Variants in FN3KRP observed in about 807,000 individuals in gnomAD.
FN3KRP encodes the protein ketosamine-3-kinase.
In FN3KRP, 33 loss-of-function variants were observed where a neutral mutation model predicts 29.8. That is an observed-to-expected ratio of 1.11 (90% confidence interval 0.84 to 1.48). The LOEUF (loss-of-function observed/expected upper bound fraction) is 1.48, where lower values mean the gene tolerates loss of function less well. Among genes scored for constraint, FN3KRP ranks in the 40% most tolerant of loss-of-function variants. FN3KRP has a pLI of 0.00. For missense variants in FN3KRP, 430 were observed against 402.6 expected, an observed-to-expected ratio of 1.07 and a Z score of -0.58; for synonymous variants, 157 against 155.2, an observed-to-expected ratio of 1.01 and a Z score of -0.09.
At chr17:82,718,629 G>A (rs1011364058) in intron 1 of FN3KRP, 6 of 1,189,910 alleles carry the variant, frequency 5.0e-6, no homozygotes, top group Non-Finnish European at 6.3e-6. Context: ...TAGTGCCTTC[G>A]ATTTTCCTCT....
At chr17:82,726,362 C>A in intron 4 of FN3KRP, 118 bp from the exon 5 acceptor site, 1 of 1,309,298 alleles carries the variant, frequency 7.6e-7, no homozygotes, top group East Asian at 2.4e-5. Context: ...CTGTGACTGC[C>A]ACCCCTCCCA....
rs906147621 is a variant in FN3KRP at position 82,727,831 on chromosome 17, C to G, written c.*660C>G. ...GTCTTCATTGCTTCTGTTATTACCCCGTCTCCTCTGCCATTTTCTACAGCT... is the reference window on the plus strand; with the variant it reads ...GTCTTCATTGCTTCTGTTATTACCCGGTCTCCTCTGCCATTTTCTACAGCT... On this transcript the variant is annotated 3_prime_UTR_variant, in exon 6 of 6. Transcript: ENST00000269373. 7 of 152,176 alleles carry G rather than the reference C, an allele frequency of 4.6e-5. No homozygotes were observed. Among genetic ancestry groups the G allele is most frequent in the Admixed American group, 1.3e-4 (2 of 15,264 alleles). The allele number at this position is 152,176 out of a possible 1,614,324, so 9.4% of individuals were successfully genotyped here. A position where few individuals can be genotyped will look rare whatever the true frequency, so the allele number is the denominator to read the frequency against.
chr17:82,722,225 C>A (rs2143612496), intron 3 of FN3KRP, among the ~76,000 whole-genome samples: 1 of 152,270 alleles, frequency 6.6e-6, no homozygotes, highest in South Asian at 2.1e-4. Flanking sequence ...ACCTCCGCCT[C>A]CCGGGTTCAA....
chr17:82,722,170 CGTT>C (rs1046116035), intron 3 of FN3KRP, among the ~76,000 whole-genome samples: 1 of 129,698 alleles, frequency 7.7e-6, no homozygotes, highest in African/African-American at 2.9e-5. Context: ...GTTTCACTCT[CGTT>C]GCCCAGGCTG....
intron 3 of FN3KRP, among the ~76,000 whole-genome samples, chr17:82,722,445 T>C (rs989376370): frequency 6.6e-6 from 1 of 152,200 alleles, no homozygotes; most frequent in African/African-American, 2.4e-5. Context: ...CCTGACACAG[T>C]GTGGTCTTCC....
chr17:82,717,252 G>A (rs1418644056), intron 1 of FN3KRP, among the ~76,000 whole-genome samples: 2 of 152,346 alleles, frequency 1.3e-5, no homozygotes, highest in Admixed American at 1.3e-4. Flanking sequence ...TGCGGTGCTG[G>A]TTAAGTGGGG....
chr17:82,719,806 C>G (rs1378554274), intron 2 of FN3KRP, among the ~76,000 whole-genome samples: 1 of 151,874 alleles, frequency 6.6e-6, no homozygotes, highest in Non-Finnish European at 1.5e-5. Context: ...TGGGAAAGAT[C>G]GTCAAATAAT....
intron 4 of FN3KRP, among the ~76,000 whole-genome samples, chr17:82,724,478 C>T (rs769825872): frequency 5.3e-5 from 8 of 151,932 alleles, no homozygotes; most frequent in Non-Finnish European, 1.0e-4. Context: ...GTGGTGCGCA[C>T]CTGTAATCCC....
At chr17:82,723,057 T>C (rs1051203577) in intron 4 of FN3KRP, among the ~76,000 whole-genome samples, 171 bp downstream of exon 4, 6 of 152,174 alleles carry the variant, frequency 3.9e-5, no homozygotes, top group Non-Finnish European at 7.3e-5. Context: ...CCTAATATGC[T>C]AGGTAAGCAT....
chr17:82,720,421 T>C, intron 3 of FN3KRP, 58 bp downstream of exon 3: 1 of 1,439,390 alleles, frequency 6.9e-7, no homozygotes, highest in Non-Finnish European at 9.6e-7. Flanking sequence ...TCAGCCGGTG[T>C]GGGCTCAGAG....
At chr17:82,718,137 C>T (rs1419107063) in intron 1 of FN3KRP, among the ~76,000 whole-genome samples, 1 of 139,518 alleles carries the variant, frequency 7.2e-6, no homozygotes, top group African/African-American at 2.7e-5. Flanking sequence ...TGTTGTGTGT[C>T]TGTATGTGTT....
At chr17:82,720,428 A>G in intron 3 of FN3KRP, 65 bp downstream of exon 3, 2 of 1,354,534 alleles carry the variant, frequency 1.5e-6, no homozygotes, top group Non-Finnish European at 1.0e-6. Flanking sequence ...GTGTGGGCTC[A>G]GAGCGGGGGC....
At position 82,726,572 on chromosome 17, in the gene FN3KRP, G is replaced by A; in HGVS notation, c.561G>A (p.Arg187=). The change falls in exon 5 of 6, where the codon AGG becomes AGA. Residue 187 remains arginine, a synonymous_variant. Transcript: ENST00000269373. The part of the protein sequence containing the change: ...MDMVEKESGD[R]EALQLWSALQ... ...TGGTGGAGAAGGAGTCTGGGGACAG[G>A]GAGGCCCTCCAGCTTTGGTCTGCTC... The A allele has an allele frequency of 6.2e-7, 1 of 1,614,046 alleles. No homozygotes were observed. Among genetic ancestry groups the A allele is most frequent in the Non-Finnish European group, 8.5e-7 (1 of 1,179,986 alleles).
At chr17:82,717,721 CAA>C (rs924362280) in intron 1 of FN3KRP, among the ~76,000 whole-genome samples, 2 of 148,016 alleles carry the variant, frequency 1.4e-5, no homozygotes, top group Non-Finnish European at 3.0e-5. Context: ...GACTCCGTCT[CAA>C]AAAAAAAAGA....
At chr17:82,723,531 A>G (rs2046813809) in intron 4 of FN3KRP, among the ~76,000 whole-genome samples, 1 of 151,190 alleles carries the variant, frequency 6.6e-6, no homozygotes, top group African/African-American at 2.4e-5. Flanking sequence ...GCATATGTGT[A>G]TTTGTGTGCA....
At chr17:82,726,687 A>T in intron 5 of FN3KRP, 85 bp downstream of exon 5, 1 of 1,533,468 alleles carries the variant, frequency 6.5e-7, no homozygotes, top group Non-Finnish European at 8.8e-7. Context: ...AGGTGAGGCC[A>T]CCTCTGAGTC....
rs113865480 is a variant in FN3KRP at position 82,722,887 on chromosome 17, G to A, written c.468+1G>A. 1.4e-5 allele frequency: 22 copies of A among 1,613,748 alleles called. No homozygotes were observed. The African/African-American group carries it at 2.1e-4, about 16-fold the overall frequency. ...GACGTGCTGTGGATACCTCCCCCAGGTGAGTGCACGGCGTTTGCTTCTATT... is the reference window on the plus strand; with the variant it reads ...GACGTGCTGTGGATACCTCCCCCAGATGAGTGCACGGCGTTTGCTTCTATT... On this transcript the variant is annotated splice_donor_variant, in intron 4 of 5. Coordinates refer to ENST00000269373, the MANE Select transcript of FN3KRP (RefSeq NM_024619.4). LOFTEE classifies it high-confidence loss of function.
At position 82,718,997 on chromosome 17, in the gene FN3KRP, A is replaced by T. The variant is rs369441626; in HGVS notation, c.233A>T (p.Asp78Val). The change falls in exon 2 of 6, where the codon GAT becomes GTT. Residue 78 changes from aspartate to valine, a missense_variant. Asp to Val is a radical substitution (Grantham distance 152, BLOSUM62 -3). Transcript: ENST00000269373. ...GTGCCCAAGCCCATCAAGGTTCTGG[A>T]TGCCCCAGGCGGCGGGAGCGTGCTG... is the stretch of plus-strand genomic sequence containing the variant. ...VKVPKPIKVL[D>V]APGGGSVLVM... 7 of 1,614,190 alleles carry T rather than the reference A, an allele frequency of 4.3e-6. No homozygotes were observed. The highest frequency in any genetic ancestry group is 1.3e-5 in the African/African-American group (1 of 75,048).
chr17:82,727,432 C>T lies in FN3KRP; in HGVS notation c.*261C>T, dbSNP rs1322002954. On this transcript the variant is annotated 3_prime_UTR_variant, in exon 6 of 6. Coordinates refer to ENST00000269373, the MANE Select transcript of FN3KRP (RefSeq NM_024619.4). ...ATGGAGTGTGGGTGACTCTGAGCCT[C>T]ACTGCTGCTGCAAGGTGGGGAAACT... 2 of 340,396 alleles carry T rather than the reference C, an allele frequency of 5.9e-6. No individual in the cohort carries two copies. Among genetic ancestry groups the T allele is most frequent in the Non-Finnish European group, 1.0e-5 (2 of 192,476 alleles). The allele number at this position is 340,396 out of a possible 1,614,324, so 21.1% of individuals were successfully genotyped here.
Sources: gnomAD v4.1 joint callset for allele counts (sites outside exome capture counted in the v4.1 genomes callset) on GRCh38, gnomAD v4.1.1 for gene constraint, MANE v1.5 for transcripts, NCBI Gene and HGNC (gene_info 2026-07-23, HGNC 2026-07-21) for gene names.